ZNF622: variants seen among roughly 807,000 people sequenced by gnomAD.
ZNF622 encodes cytoplasmic 60S subunit biogenesis factor ZNF622.
Under a neutral mutation model 49.7 loss-of-function variants are expected in ZNF622, and 34 were observed. That is an observed-to-expected ratio of 0.68 (90% CI 0.52 to 0.91). The LOEUF is 0.91. Among genes scored for constraint, ZNF622 ranks in the 40% least tolerant of loss-of-function variants. ZNF622 has a pLI of 0.00. For missense variants in ZNF622, 569 were observed against 616.4 expected, an observed-to-expected ratio of 0.92 and a Z score of 0.81; for synonymous variants, 209 against 228.7, an observed-to-expected ratio of 0.91 and a Z score of 0.78.
intron 3 of ZNF622, among the ~76,000 whole-genome samples, chr5:16,460,653 C>T (rs765213507): frequency 2.0e-5 from 3 of 151,992 alleles, no homozygotes; most frequent in Non-Finnish European, 2.9e-5. Context: ...ATCCTCTTAC[C>T]TCAGCCTCCT....
chr5:16,460,574 C>CT (rs1738106599), intron 3 of ZNF622, among the ~76,000 whole-genome samples: 1 of 149,402 alleles, frequency 6.7e-6, no homozygotes, highest in East Asian at 2.0e-4. Flanking sequence ...TTTTTTTTTC[C>CT]TTTTTTTCCC....
At chr5:16,464,927 AT>A in intron 1 of ZNF622, 113 bp downstream of exon 1, 1 of 1,450,308 alleles carries the variant, frequency 6.9e-7, no homozygotes, top group South Asian at 1.4e-5. Context: ...TTCCCTCATC[AT>A]TTTTACTTAA....
intron 3 of ZNF622, among the ~76,000 whole-genome samples, chr5:16,461,052 T>C (rs1475167448): frequency 1.3e-5 from 2 of 152,172 alleles, no homozygotes; most frequent in Admixed American, 6.5e-5. Flanking sequence ...TGTTATTTTA[T>C]GGAAGGTGGT....
Position 16,465,288 on chromosome 5 carries a change from ATCCTTG to A in ZNF622, c.372_377del (p.Lys125_Asp126del). 6.2e-7 allele frequency: 1 copy of A among 1,614,146 alleles called. No homozygotes were observed. Among genetic ancestry groups the A allele is most frequent in the East Asian group, 2.2e-5 (1 of 44,872 alleles). ...CCTGCTGGATGGCCGCGTTCATGGC[ATCCTTG>A]TCCACACTGTCCACGCCCAGTCCTT... On this transcript the variant is annotated inframe_deletion, in exon 1 of 6. Coordinates refer to ENST00000308683, the MANE Select transcript of ZNF622 (RefSeq NM_033414.3). This position sits in a 1 kb window ranked among gnomAD's most constrained non-coding sequence, Gnocchi z 6.2.
At chr5:16,452,827 A>C (rs936409661) in intron 5 of ZNF622, among the ~76,000 whole-genome samples, 186 bp downstream of exon 5, 1 of 152,248 alleles carries the variant, frequency 6.6e-6, no homozygotes, top group African/African-American at 2.4e-5. Context: ...TGAAATTTCT[A>C]AGTCATAGCA....
In ZNF622 at chr5:16,452,493, C is replaced by T. The variant is rs771030328; in HGVS notation, c.1306+520G>A. ...ACTGATAGCTAACCTCGACTATGGG[C>T]ATGCACTATATCACACATGCATGAC... On this transcript the variant is annotated intron_variant, in intron 5 of 5. Coordinates refer to ENST00000308683, the MANE Select transcript of ZNF622 (RefSeq NM_033414.3). Among the ~76,000 whole-genome samples, 71 of 152,188 alleles carry T rather than the reference C, an allele frequency of 4.7e-4. 1 individual carries two copies. The highest frequency in any genetic ancestry group is 4.6e-4 in the Non-Finnish European group (31 of 68,034).
chr5:16,459,839 G>A (rs1738096251), intron 3 of ZNF622, among the ~76,000 whole-genome samples: 1 of 152,202 alleles, frequency 6.6e-6, no homozygotes, highest in South Asian at 2.1e-4. Flanking sequence ...AATCTATGCA[G>A]CTATAAGTCA....
chr5:16,454,509 A>C lies in ZNF622; in HGVS notation c.1163-1353T>G, dbSNP rs917956732. Among the ~76,000 whole-genome samples the C allele has an allele frequency of 5.7e-4, 87 of 151,824 alleles. 1 individual carries two copies. In the East Asian group the frequency reaches 0.015, roughly 27 times the overall value. ...TCTCCAAAAAAAAAAAAAAAAAAAA[A>C]ACTATGGGACAAAGGTATTGGCCAC... is the stretch of plus-strand genomic sequence containing the variant. On this transcript the variant is annotated intron_variant, in intron 4 of 5. Transcript: ENST00000308683.
chr5:16,455,119 C>T (rs192429418), intron 4 of ZNF622, among the ~76,000 whole-genome samples: 4 of 152,218 alleles, frequency 2.6e-5, no homozygotes, highest in Admixed American at 6.5e-5. Context: ...ACATAAGGCA[C>T]GAAAAAGCCA....
rs758258788 is a variant in ZNF622 at position 16,465,303 on chromosome 5, G to A, written c.363C>T (p.Asp121=). ...EKNLEKGLGV[D]SVDKDAMNAA... ...CGTTCATGGCATCCTTGTCCACACT[G>A]TCCACGCCCAGTCCTTTCTCCAAGT... The change falls in exon 1 of 6, where the codon GAC becomes GAT. Residue 121 remains aspartate (D), a synonymous_variant. Coordinates refer to ENST00000308683, the MANE Select transcript of ZNF622 (RefSeq NM_033414.3). The surrounding 1 kb of genome is among the most constrained non-coding windows in gnomAD (Gnocchi z 6.2). 1.1e-5 allele frequency: 18 copies of A among 1,614,254 alleles called. No homozygotes were observed. In the South Asian group the frequency reaches 2.0e-4, roughly 18 times the overall value.
intron 3 of ZNF622, among the ~76,000 whole-genome samples, chr5:16,459,454 A>C (rs1013556119): frequency 6.6e-6 from 1 of 152,198 alleles, no homozygotes; most frequent in Non-Finnish European, 1.5e-5. Flanking sequence ...CCTCACTACA[A>C]GTGGGAGTAT....
intron 1 of ZNF622, among the ~76,000 whole-genome samples, chr5:16,464,516 A>C (rs2126495914): frequency 6.6e-6 from 1 of 152,304 alleles, no homozygotes. Context: ...GAACACCTAC[A>C]CCAGCACTGT....
chr5:16,464,919 C>T, intron 1 of ZNF622, 122 bp downstream of exon 1: 1 of 1,394,530 alleles, frequency 7.2e-7, no homozygotes, highest in Non-Finnish European at 9.7e-7. Flanking sequence ...AAACCACCTT[C>T]CCTCATCATT....
In ZNF622 at chr5:16,458,837, A is replaced by C. The variant is rs117648286; in HGVS notation, c.1050-208T>G. On this transcript the variant is annotated intron_variant, in intron 3 of 5. Transcript: ENST00000308683. ...AGTAGAAATGAGCAAATGACATATA[A>C]CAGAATTCTATTTGTTTTTCCCTAG... Among the ~76,000 whole-genome samples, 102 of 152,322 alleles carry C rather than the reference A, an allele frequency of 6.7e-4. 1 individual carries two copies. The East Asian group carries it at 0.019, about 29-fold the overall frequency.
At chr5:16,458,905 A>G (rs1738078948) in intron 3 of ZNF622, among the ~76,000 whole-genome samples, 1 of 152,234 alleles carries the variant, frequency 6.6e-6, no homozygotes, top group South Asian at 2.1e-4. Context: ...ACAGCTGGAC[A>G]TGCAGCTATA....
At chr5:16,453,597 A>ATATG (rs1737973137) in intron 4 of ZNF622, among the ~76,000 whole-genome samples, 1 of 137,138 alleles carries the variant, frequency 7.3e-6, no homozygotes, top group Non-Finnish European at 1.6e-5. Flanking sequence ...ATATATATAT[A>ATATG]TATATGAAGA....
Position 16,465,246 on chromosome 5 carries a change from C to T in ZNF622, c.420G>A (p.Pro140=). The stretch of plus-strand genomic sequence containing the variant: ...GGGGCGCCTTCTTGGGAGACATGGA[C>T]GGCTGGGCCTTGATGGCCTGCTGGA... ...AAIQQAIKAQ[P]SMSPKKAPPA... The change falls in exon 1 of 6, where the codon CCG becomes CCA. Residue 140 remains proline, a synonymous_variant. Coordinates refer to ENST00000308683, the MANE Select transcript of ZNF622 (RefSeq NM_033414.3). This position sits in a 1 kb window ranked among gnomAD's most constrained non-coding sequence, Gnocchi z 6.2. 1 of 1,614,220 alleles carries T rather than the reference C, an allele frequency of 6.2e-7. No homozygotes were observed.
chr5:16,454,269 C>T (rs541037608), intron 4 of ZNF622, among the ~76,000 whole-genome samples: 36 of 152,078 alleles, frequency 2.4e-4, no homozygotes, highest in Admixed American at 9.2e-4. Flanking sequence ...GGACGGATCA[C>T]GAGGTCAGGA....
intron 3 of ZNF622, among the ~76,000 whole-genome samples, chr5:16,458,908 C>G (rs1406086979): frequency 6.6e-6 from 1 of 152,214 alleles, no homozygotes; most frequent in African/African-American, 2.4e-5. Flanking sequence ...GCTGGACATG[C>G]AGCTATACTC....
Sources: gnomAD v4.1 joint callset for allele counts (sites outside exome capture counted in the v4.1 genomes callset) on GRCh38, gnomAD v4.1.1 for gene constraint, Gnocchi (gnomAD v3.1) non-coding constraint, MANE v1.5 for transcripts, NCBI Gene and HGNC (gene_info 2026-07-23, HGNC 2026-07-21) for gene names.